Variants in SORCS2 observed in about 807,000 individuals in gnomAD.
SORCS2 encodes sortilin related VPS10 domain containing receptor 2.
SORCS2 carries 100 observed loss-of-function variants against 141.6 expected under a neutral mutation model. The observed-to-expected ratio is 0.71, with a 90% CI of 0.60 to 0.83. The LOEUF (loss-of-function observed/expected upper bound fraction) is 0.83, where lower values mean the gene tolerates loss of function less well. Among genes scored for constraint, SORCS2 ranks in the 40% least tolerant of loss-of-function variants. The pLI is 0.00. For missense variants in SORCS2, 1,646 were observed against 1,560.2 expected (o/e 1.05, Z -0.93); for synonymous variants, 789 against 676.9 (o/e 1.17, Z -2.57).
chr4:7,405,195 T>C (rs1437243665), intron 2 of SORCS2, among the ~76,000 whole-genome samples: 1 of 152,204 alleles, frequency 6.6e-6, no homozygotes, highest in African/African-American at 2.4e-5. Context: ...GGTTCTCCAT[T>C]CTGTTCCATT....
At chr4:7,358,616 T>C (rs1721402080) in intron 1 of SORCS2, among the ~76,000 whole-genome samples, 1 of 152,194 alleles carries the variant, frequency 6.6e-6, no homozygotes, top group Non-Finnish European at 1.5e-5. Flanking sequence ...TCGTGTCCTC[T>C]AAGTAGCGTT....
chr4:7,714,129 G>A (rs1362541319), intron 15 of SORCS2, 111 bp from the exon 16 acceptor site: 1 of 1,445,618 alleles, frequency 6.9e-7, no homozygotes, highest in African/African-American at 1.4e-5. Context: ...TTCCCCATCT[G>A]TAACCTGAGC....
At chr4:7,225,327 A>G (rs1468760760) in intron 1 of SORCS2, among the ~76,000 whole-genome samples, 4 of 152,200 alleles carry the variant, frequency 2.6e-5, no homozygotes, top group Non-Finnish European at 4.4e-5. Context: ...AGTCCTCTTC[A>G]TCTTTGTGTG....
chr4:7,550,226 C>T (rs556727086), intron 3 of SORCS2, among the ~76,000 whole-genome samples: 18 of 152,010 alleles, frequency 1.2e-4, no homozygotes, highest in Non-Finnish European at 2.2e-4. Flanking sequence ...GCCTGTGAAC[C>T]GCCCTGAGAC....
intron 14 of SORCS2, among the ~76,000 whole-genome samples, chr4:7,706,120 A>T (rs1404493648): frequency 7.4e-6 from 1 of 135,244 alleles, no homozygotes; most frequent in African/African-American, 2.8e-5. Flanking sequence ...CTGGGCAGGG[A>T]TGAGGCTGGG....
chr4:7,523,947 C>A (rs1036388031), intron 2 of SORCS2, among the ~76,000 whole-genome samples: 1 of 152,244 alleles, frequency 6.6e-6, no homozygotes, highest in Non-Finnish European at 1.5e-5. Context: ...GGGGATGACG[C>A]ACTGGAAGCT....
At chr4:7,683,640 C>T (rs914828223) in intron 10 of SORCS2, among the ~76,000 whole-genome samples, 4 of 152,194 alleles carry the variant, frequency 2.6e-5, no homozygotes, top group African/African-American at 9.7e-5. Context: ...GTACTCTGCC[C>T]ATGGGAGTGA....
At chr4:7,214,736 C>T (rs570420464) in intron 1 of SORCS2, among the ~76,000 whole-genome samples, 44 of 152,314 alleles carry the variant, frequency 2.9e-4, no homozygotes, top group Non-Finnish European at 5.1e-4. Flanking sequence ...CTGGTTTCTG[C>T]AGAGAGCCAG....
chr4:7,319,463 G>C (rs547115299), intron 1 of SORCS2, among the ~76,000 whole-genome samples: 14 of 152,238 alleles, frequency 9.2e-5, no homozygotes, highest in South Asian at 2.1e-4. Flanking sequence ...CTAGCACTTG[G>C]GGAGGCCAAG....
chr4:7,506,909 C>T (rs2109447742), intron 2 of SORCS2, among the ~76,000 whole-genome samples: 1 of 152,172 alleles, frequency 6.6e-6, no homozygotes, highest in South Asian at 2.1e-4. Context: ...AAAATGATAC[C>T]AACCTATTAA....
Position 7,373,481 on chromosome 4 carries a change from T to TATATAA in SORCS2, c.481-22807_481-22806insATATAA, listed in dbSNP as rs57125960. ...TTTTATATATATATATATATATATTTTTTTTTTTTTTTTTTTTTTTTTTTT... is the reference window on the plus strand; with the variant it reads ...TTTTATATATATATATATATATATTTATATAATTTTTTTTTTTTTTTTTTTTTTTTT... On this transcript the variant is annotated intron_variant, in intron 1 of 26. Transcript: ENST00000507866. Among the ~76,000 whole-genome samples, 61 of 29,886 alleles carry TATATAA rather than the reference T, an allele frequency of 2.0e-3. 2 individuals are homozygous for TATATAA. The highest frequency in any genetic ancestry group is 5.0e-3 in the African/African-American group (59 of 11,778). The allele number at this position is 29,886 out of a possible 152,430, so 19.6% of individuals were successfully genotyped here. A position where few individuals can be genotyped will look rare whatever the true frequency, so the allele number is the denominator to read the frequency against.
intron 12 of SORCS2, among the ~76,000 whole-genome samples, chr4:7,697,684 G>C (rs969893160): frequency 1.3e-5 from 2 of 152,198 alleles, no homozygotes; most frequent in Admixed American, 1.3e-4. Flanking sequence ...TGGGAGCCCA[G>C]AGAGAGGCCA....
At chr4:7,392,108 C>T (rs573692434) in intron 1 of SORCS2, among the ~76,000 whole-genome samples, 19 of 152,344 alleles carry the variant, frequency 1.2e-4, no homozygotes, top group Admixed American at 3.9e-4. Flanking sequence ...TTCGTGGCTG[C>T]GCAGGTTGCA....
intron 8 of SORCS2, among the ~76,000 whole-genome samples, chr4:7,675,223 C>T (rs745863724): frequency 3.7e-4 from 57 of 152,220 alleles, no homozygotes; most frequent in Admixed American, 1.3e-3. Context: ...GAACCCGAAG[C>T]GCTGAGCCCA....
intron 2 of SORCS2, among the ~76,000 whole-genome samples, chr4:7,516,647 G>A (rs1054936119): frequency 4.6e-5 from 7 of 152,158 alleles, no homozygotes; most frequent in African/African-American, 1.2e-4. Context: ...GGGGCTGCAC[G>A]GAGTCTGGGA....
chr4:7,467,239 G>A (rs113762906), intron 2 of SORCS2, among the ~76,000 whole-genome samples: 2,350 of 152,238 alleles, frequency 0.015, 60 homozygotes, highest in African/African-American at 0.053. Context: ...GGCGAATGAC[G>A]TGTCATCCAC....
chr4:7,504,822 C>T (rs1327604958), intron 2 of SORCS2, among the ~76,000 whole-genome samples: 2 of 152,226 alleles, frequency 1.3e-5, no homozygotes. Flanking sequence ...AATTTAGTGC[C>T]TTCCTGCTCT....
At chr4:7,638,563 C>T (rs1720423955) in intron 4 of SORCS2, 71 bp downstream of exon 4, 2 of 1,489,044 alleles carry the variant, frequency 1.3e-6, no homozygotes, top group Non-Finnish European at 9.0e-7. Flanking sequence ...GAGGTGAGTG[C>T]CCACTTGGAG....
chr4:7,704,408 A>G, intron 14 of SORCS2, 124 bp downstream of exon 14: 2 of 851,328 alleles, frequency 2.3e-6, no homozygotes, highest in Non-Finnish European at 3.6e-6. Context: ...CACCTGCCCC[A>G]GGTCCCCTTG....
Sources: allele counts gnomAD v4.1 joint callset (sites outside exome capture counted in the v4.1 genomes callset), GRCh38; gene constraint gnomAD v4.1.1; transcripts MANE v1.5; gene names NCBI Gene and HGNC (gene_info 2026-07-23, HGNC 2026-07-21).